The following CCSER1 variants were observed in gnomAD, a reference collection of about 807,000 sequenced individuals.
The protein encoded by CCSER1 is serine-rich coiled-coil domain-containing protein 1.
Under a neutral mutation model 82.0 loss-of-function variants are expected in CCSER1, and 41 were observed. The observed-to-expected ratio is 0.50, with a 90% CI of 0.39 to 0.65. The LOEUF (loss-of-function observed/expected upper bound fraction) is 0.65, where lower values mean the gene tolerates loss of function less well. Ranked by LOEUF, CCSER1 falls within the 30% of genes least tolerant of loss-of-function variation. The pLI is 0.00. For synonymous variants in CCSER1, 414 were observed against 383.9 expected, an observed-to-expected ratio of 1.08 and a Z score of -0.92; for missense variants, 1,119 against 1,064.2, an observed-to-expected ratio of 1.05 and a Z score of -0.72.
At chr4:91,402,893 C>G (rs1020542580) in intron 10 of CCSER1, among the ~76,000 whole-genome samples, 1 of 152,130 alleles carries the variant, frequency 6.6e-6, no homozygotes, top group African/African-American at 2.4e-5. Flanking sequence ...TTTTTGGTTC[C>G]ATATGAACTT....
At chr4:90,210,734 CG>C (rs1220769531) in intron 1 of CCSER1, among the ~76,000 whole-genome samples, 1 of 152,106 alleles carries the variant, frequency 6.6e-6, no homozygotes, top group Non-Finnish European at 1.5e-5. Context: ...CATGAACTAC[CG>C]TGCCTGGCCT....
chr4:90,367,688 T>C (rs1383158215), intron 3 of CCSER1, among the ~76,000 whole-genome samples: 1 of 151,674 alleles, frequency 6.6e-6, no homozygotes, highest in Non-Finnish European at 1.5e-5. Context: ...TAATTAAATA[T>C]AAGAACAAAC....
chr4:91,319,108 C>A, intron 10 of CCSER1: 1 of 277,328 alleles, frequency 3.6e-6, no homozygotes, highest in Non-Finnish European at 7.3e-6. Flanking sequence ...TTAAGACAGA[C>A]GGTATCAGCT....
intron 10 of CCSER1, among the ~76,000 whole-genome samples, chr4:91,322,015 A>G (rs144500623): frequency 6.6e-6 from 1 of 152,240 alleles, no homozygotes; most frequent in African/African-American, 2.4e-5. Context: ...ATTTTAGGAT[A>G]AATCAAGGAG....
At chr4:91,443,236 G>A (rs1215006066) in intron 10 of CCSER1, among the ~76,000 whole-genome samples, 8 of 152,096 alleles carry the variant, frequency 5.3e-5, no homozygotes, top group South Asian at 2.1e-4. Context: ...ATGTCCAACA[G>A]TGATAGACTG....
chr4:90,217,770 A>G (rs892601641), intron 1 of CCSER1, among the ~76,000 whole-genome samples: 4 of 151,852 alleles, frequency 2.6e-5, no homozygotes, highest in African/African-American at 7.3e-5. Flanking sequence ...TTATATTCCT[A>G]CAATGCCTAA....
At chr4:90,365,101 T>G (rs1746045941) in intron 3 of CCSER1, among the ~76,000 whole-genome samples, 1 of 151,818 alleles carries the variant, frequency 6.6e-6, no homozygotes, top group African/African-American at 2.4e-5. Context: ...ATTGCATATA[T>G]TTTTGAGGGG....
chr4:90,481,866 C>T (rs1766040367), intron 5 of CCSER1, among the ~76,000 whole-genome samples: 1 of 152,250 alleles, frequency 6.6e-6, no homozygotes, highest in Non-Finnish European at 1.5e-5. Context: ...GCTTTGGTAT[C>T]AGGATGATGG....
intron 9 of CCSER1, among the ~76,000 whole-genome samples, chr4:91,050,710 A>G (rs1024069881): frequency 6.6e-6 from 1 of 152,182 alleles, no homozygotes; most frequent in South Asian, 2.1e-4. Context: ...AAGAACTATC[A>G]TAGAAATTTA....
intron 7 of CCSER1, among the ~76,000 whole-genome samples, chr4:90,755,687 G>A (rs1038777035): frequency 1.3e-5 from 2 of 152,158 alleles, no homozygotes; most frequent in Admixed American, 6.5e-5. Context: ...ATTTGAAAGA[G>A]AAGTATTATC....
chr4:90,941,594 AG>A (rs1465898475), intron 9 of CCSER1, among the ~76,000 whole-genome samples: 1 of 152,160 alleles, frequency 6.6e-6, no homozygotes, highest in Admixed American at 6.5e-5. Flanking sequence ...GATGCTTTTC[AG>A]GTTGTATTTT....
intron 3 of CCSER1, among the ~76,000 whole-genome samples, chr4:90,369,687 A>G (rs1266721844): frequency 6.6e-6 from 1 of 152,012 alleles, no homozygotes; most frequent in East Asian, 1.9e-4. Flanking sequence ...AGAAAACTAC[A>G]TGATCTTACA....
chr4:91,365,573 G>A (rs1415297499), intron 10 of CCSER1, among the ~76,000 whole-genome samples: 1 of 152,028 alleles, frequency 6.6e-6, no homozygotes, highest in African/African-American at 2.4e-5. Flanking sequence ...CTCATAATGT[G>A]TACATTTATT....
At chr4:90,685,929 G>A (rs1734745346) in intron 6 of CCSER1, among the ~76,000 whole-genome samples, 2 of 152,136 alleles carry the variant, frequency 1.3e-5, no homozygotes, top group Non-Finnish European at 2.9e-5. Flanking sequence ...TTCAGGGAAT[G>A]GGGATGTGGA....
At chr4:91,353,952 T>TTCCCCTCA (rs1560607034) in intron 10 of CCSER1, among the ~76,000 whole-genome samples, 1 of 152,242 alleles carries the variant, frequency 6.6e-6, no homozygotes. Context: ...TTTCAACTAC[T>TTCCCCTCA]TCCCCTCATC....
At chr4:91,385,343 G>A (rs528027940) in intron 10 of CCSER1, among the ~76,000 whole-genome samples, 7 of 151,992 alleles carry the variant, frequency 4.6e-5, no homozygotes, top group Admixed American at 2.0e-4. Flanking sequence ...GTTTCCTTTT[G>A]AGTAATAAAG....
At chr4:90,921,327 T>C (rs1728352840) in intron 8 of CCSER1, among the ~76,000 whole-genome samples, 1 of 151,910 alleles carries the variant, frequency 6.6e-6, no homozygotes, top group African/African-American at 2.4e-5. Flanking sequence ...CCTAAGTCTA[T>C]AGGAAACTTA....
chr4:90,244,234 A>G (rs1042779534), intron 1 of CCSER1, among the ~76,000 whole-genome samples: 18 of 152,206 alleles, frequency 1.2e-4, no homozygotes, highest in Non-Finnish European at 1.5e-4. Flanking sequence ...GAGTTTTGCT[A>G]AATGTAACAA....
intron 8 of CCSER1, among the ~76,000 whole-genome samples, chr4:90,917,240 C>G (rs1727606447): frequency 1.3e-5 from 2 of 152,172 alleles, no homozygotes; most frequent in African/African-American, 4.8e-5. Flanking sequence ...GCACTGTTCA[C>G]AGCAGCAAAG....
Sources: gnomAD v4.1 joint callset for allele counts (sites outside exome capture counted in the v4.1 genomes callset) on GRCh38, gnomAD v4.1.1 for gene constraint, MANE v1.5 for transcripts, NCBI Gene and HGNC (gene_info 2026-07-23, HGNC 2026-07-21) for gene names.